The following ATP13A5 variants were observed in gnomAD, a reference collection of about 807,000 sequenced individuals.
ATP13A5 encodes probable cation-transporting ATPase 13A5.
ATP13A5 carries 149 observed loss-of-function variants against 150.2 expected under a neutral mutation model. The observed-to-expected ratio is 0.99, with a 90% confidence interval of 0.87 to 1.14. The LOEUF (loss-of-function observed/expected upper bound fraction) is 1.14, where lower values mean the gene tolerates loss of function less well. Among genes scored for constraint, ATP13A5 ranks in the 50% most tolerant of loss-of-function variants. The pLI is 0.00. For synonymous variants in ATP13A5, 497 were observed against 522.2 expected, an observed-to-expected ratio of 0.95 and a Z score of 0.66; for missense variants, 1,383 against 1,449.3, an observed-to-expected ratio of 0.95 and a Z score of 0.74.
intron 20 of ATP13A5, among the ~76,000 whole-genome samples, chr3:193,311,399 C>A (rs957278889): frequency 3.9e-5 from 6 of 152,156 alleles, no homozygotes; most frequent in Non-Finnish European, 7.3e-5. Flanking sequence ...GAAAATAAAC[C>A]ATGGGGCCTT....
intron 1 of ATP13A5, among the ~76,000 whole-genome samples, chr3:193,373,287 G>A (rs1054509837): frequency 1.1e-4 from 17 of 151,956 alleles, no homozygotes; most frequent in African/African-American, 3.6e-4. Context: ...ACAGGCAGCT[G>A]CCACCATGCC....
At chr3:193,306,051 T>A (rs1718604763) in intron 22 of ATP13A5, among the ~76,000 whole-genome samples, 1 of 152,000 alleles carries the variant, frequency 6.6e-6, no homozygotes, top group Non-Finnish European at 1.5e-5. Flanking sequence ...TCAGTTCTTG[T>A]ACCTGGTGGG....
intron 1 of ATP13A5, among the ~76,000 whole-genome samples, chr3:193,367,624 T>C (rs1713282573): frequency 6.6e-6 from 1 of 152,110 alleles, no homozygotes; most frequent in Non-Finnish European, 1.5e-5. Context: ...AAAAGTTTAG[T>C]ACATCACTAC....
chr3:193,351,043 T>C (rs1191234813), intron 7 of ATP13A5, 24 bp downstream of exon 7: 1 of 1,611,656 alleles, frequency 6.2e-7, no homozygotes, highest in Non-Finnish European at 8.5e-7. Flanking sequence ...CTAAATAGAA[T>C]CTGGCTGTGA....
rs188075473 is a variant in ATP13A5 at position 193,343,089 on chromosome 3, G to C, written c.943+838C>G. 1.8e-3 allele frequency among the ~76,000 whole-genome samples: 267 copies of C among 152,134 alleles called. 4 individuals are homozygous for C. The highest frequency in any genetic ancestry group is 6.2e-4 in the South Asian group (3 of 4,814). On this transcript the variant is annotated intron_variant, in intron 9 of 29. Transcript: ENST00000342358. ...AAATCTGCTTGTGTTGAACAATTTA[G>C]GGATAGATAATGAACTCTCCCTACA...
Position 193,319,112 on chromosome 3 carries a change from C to A in ATP13A5, c.1916-4G>T. Reference sequence around the variant, plus strand: ...TCCTGTGGGAAATTCTTGGGCACTGCCAGGGTAGAAGAAACAGGTAAGTGT... The same window carrying A: ...TCCTGTGGGAAATTCTTGGGCACTGACAGGGTAGAAGAAACAGGTAAGTGT... On this transcript the variant is annotated splice_polypyrimidine_tract_variant and splice_region_variant and intron_variant, in intron 16 of 29. Transcript: ENST00000342358. 1 of 1,609,408 alleles carries A rather than the reference C, an allele frequency of 6.2e-7. No homozygotes were observed. Among genetic ancestry groups the A allele is most frequent in the Non-Finnish European group, 8.5e-7 (1 of 1,175,936 alleles).
chr3:193,334,579 GA>G (rs1395134460), intron 10 of ATP13A5, among the ~76,000 whole-genome samples: 1 of 152,184 alleles, frequency 6.6e-6, no homozygotes, highest in East Asian at 1.9e-4. Context: ...TCTTTGAAAG[GA>G]AAAAATCCTC....
intron 26 of ATP13A5, 63 bp from the exon 27 acceptor site, chr3:193,285,179 A>G: frequency 7.2e-7 from 1 of 1,384,852 alleles, no homozygotes. Flanking sequence ...TAGGTGAAAA[A>G]AAAAATAATT....
At chr3:193,368,673 T>C (rs896900376) in intron 1 of ATP13A5, among the ~76,000 whole-genome samples, 1 of 152,084 alleles carries the variant, frequency 6.6e-6, no homozygotes, top group African/African-American at 2.4e-5. Flanking sequence ...GCAATCTGTG[T>C]GGGAAAGGGT....
intron 9 of ATP13A5, among the ~76,000 whole-genome samples, chr3:193,343,631 A>G (rs900798419): frequency 6.6e-6 from 1 of 152,210 alleles, no homozygotes; most frequent in African/African-American, 2.4e-5. Flanking sequence ...CAAACTGTGT[A>G]GTGCTCTCAT....
At chr3:193,364,349 T>G in intron 1 of ATP13A5, 69 bp from the exon 2 acceptor site, 1 of 1,541,898 alleles carries the variant, frequency 6.5e-7, no homozygotes, top group Non-Finnish European at 8.8e-7. Context: ...TTTCTTTCAA[T>G]AAACCAAACT....
intron 16 of ATP13A5, among the ~76,000 whole-genome samples, chr3:193,319,823 T>C (rs1305604771): frequency 2.6e-5 from 4 of 152,356 alleles, no homozygotes; most frequent in Non-Finnish European, 4.4e-5. Flanking sequence ...AGCTTGTTTT[T>C]ATAAATGAAA....
chr3:193,284,096 C>G (rs1411483987), intron 27 of ATP13A5, among the ~76,000 whole-genome samples: 3 of 151,580 alleles, frequency 2.0e-5, no homozygotes, highest in African/African-American at 7.3e-5. Flanking sequence ...TCCTGGCTCA[C>G]TGCAGCCTCG....
rs575706144 is a variant in ATP13A5, at chr3:193,275,196, G to A, written c.3503C>T (p.Ser1168Leu). ...RTWQKKLAED[S>L]TWPPINRTDY... is the part of the protein sequence containing the mutation. ...TGTCCTGTTTATGGGAGGCCAGGTT[G>A]AGTCTTCTGCTAGCTTCTTTTGCCA... Residue 1168 changes from serine to leucine, a missense_variant, in exon 30 of 30, where the codon TCA becomes TTA. This residue lies in a region of ATP13A5 where 568 missense variants were observed against 621.5 expected (regional missense o/e 0.91). Coordinates refer to ENST00000342358, the MANE Select transcript of ATP13A5 (RefSeq NM_198505.4). 42 of 1,614,084 alleles carry A rather than the reference G, an allele frequency of 2.6e-5. No homozygotes were observed. Among genetic ancestry groups the A allele is most frequent in the Non-Finnish European group, 3.6e-5 (42 of 1,180,056 alleles).
intron 27 of ATP13A5, among the ~76,000 whole-genome samples, chr3:193,283,295 A>C (rs1717579080): frequency 3.3e-5 from 5 of 152,212 alleles, no homozygotes; most frequent in Non-Finnish European, 7.4e-5. Flanking sequence ...AGCACTTTAA[A>C]ACTAATTGTG....
At chr3:193,344,824 C>T (rs60505782) in intron 8 of ATP13A5, among the ~76,000 whole-genome samples, 179 bp downstream of exon 8, 1,527 of 152,270 alleles carry the variant, frequency 0.01, 20 homozygotes, top group African/African-American at 0.035. Context: ...GGGGTCAGCA[C>T]TGGCATGATC....
In ATP13A5 at chr3:193,324,763, T is replaced by C. The variant is rs1220151640; in HGVS notation, c.1674+101A>G. The C allele has an allele frequency of 3.0e-6, 4 of 1,332,458 alleles. No homozygotes were observed. In the African/African-American group the frequency reaches 5.9e-5, roughly 19 times the overall value. The allele number at this position is 1,332,458 out of a possible 1,614,324, so 82.5% of individuals were successfully genotyped here. A position where few individuals can be genotyped will look rare whatever the true frequency, so the allele number is the denominator to read the frequency against. ...GTGTTACACGCTTATACATACATTA[T>C]TATGAACCTTCTCTGTGTTTTAACA... On this transcript the variant is annotated intron_variant, in intron 14 of 29. Transcript: ENST00000342358.
intron 23 of ATP13A5, among the ~76,000 whole-genome samples, chr3:193,304,207 AG>A (rs1482146010): frequency 3.3e-5 from 5 of 152,144 alleles, no homozygotes; most frequent in Admixed American, 6.6e-5. Context: ...ACGCACTCTA[AG>A]GGTCTGAACC....
chr3:193,292,910 A>G (rs1053478124), intron 25 of ATP13A5, among the ~76,000 whole-genome samples: 5 of 152,134 alleles, frequency 3.3e-5, no homozygotes, highest in Non-Finnish European at 7.4e-5. Flanking sequence ...TCTGACAGAG[A>G]ATCTGTATAC....
Sources: allele counts gnomAD v4.1 joint callset (sites outside exome capture counted in the v4.1 genomes callset), GRCh38; gene constraint gnomAD v4.1.1; regional missense constraint gnomAD v4.1.1; transcripts MANE v1.5; gene names NCBI Gene and HGNC (gene_info 2026-07-23, HGNC 2026-07-21).